Variants in KLRG1 observed in about 807,000 individuals in gnomAD.
KLRG1 encodes the protein killer cell lectin like receptor G1.
In KLRG1, 16 loss-of-function variants were observed where a neutral mutation model predicts 21.8. That is an observed-to-expected ratio of 0.73 (90% CI 0.50 to 1.11). KLRG1 has a LOEUF of 1.11. KLRG1 is among the 50% of genes most tolerant of loss of function. The pLI, the probability that KLRG1 is intolerant of heterozygous loss-of-function variation, is 0.00. For synonymous variants in KLRG1, 69 were observed against 75.9 expected (o/e 0.91, Z 0.47); for missense variants, 173 against 218.3 (o/e 0.79, Z 1.31).
At chr12:9,160,354 C>T in the KLRG1 span, 8 of 1,614,096 alleles carry the variant, frequency 5.0e-6, no homozygotes, top group African/African-American at 2.7e-5. Context: ...TGATCTCCTG[C>T]GTCAGCTGCT....
the KLRG1 span, among the ~76,000 whole-genome samples, chr12:9,132,024 G>C: frequency 1.3e-5 from 2 of 152,086 alleles, no homozygotes; most frequent in East Asian, 3.9e-4. Flanking sequence ...TTCTTAAAAA[G>C]AAGAGTTGTA....
the KLRG1 span, chr12:9,089,397 C>T: frequency 1.5e-5 from 10 of 652,624 alleles, no homozygotes; most frequent in East Asian, 8.3e-5. Context: ...AAGCAATATA[C>T]GTAGGAGGTA....
intron 1 of KLRG1, among the ~76,000 whole-genome samples, chr12:8,971,466 CTCTT>C (rs991597354): frequency 6.6e-6 from 1 of 151,724 alleles, no homozygotes; most frequent in African/African-American, 2.4e-5. Context: ...TGTGTTTTTT[CTCTT>C]TGTTATTTTA....
the KLRG1 span, among the ~76,000 whole-genome samples, chr12:9,199,169 G>A: frequency 6.6e-6 from 1 of 152,150 alleles, no homozygotes; most frequent in Non-Finnish European, 1.5e-5. Flanking sequence ...CATCACTGCC[G>A]ATTCTGAGTC....
chr12:9,103,739 G>C, the KLRG1 span, among the ~76,000 whole-genome samples: 2 of 152,140 alleles, frequency 1.3e-5, no homozygotes, highest in African/African-American at 2.4e-5. Context: ...CATGTGACAG[G>C]ATTTTCTTCC....
the KLRG1 span, among the ~76,000 whole-genome samples, chr12:9,136,093 A>G: frequency 1.3e-5 from 2 of 152,218 alleles, no homozygotes; most frequent in African/African-American, 4.8e-5. Context: ...AGCAAACATG[A>G]CCTGGGAAAA....
chr12:9,115,091 T>C, the KLRG1 span: 3 of 144,946 alleles, frequency 2.1e-5, no homozygotes, highest in Non-Finnish European at 3.0e-5. Context: ...AGTAAATAAA[T>C]GGCAGGTAAA....
the KLRG1 span, among the ~76,000 whole-genome samples, chr12:9,121,855 A>C: frequency 6.6e-6 from 1 of 152,204 alleles, no homozygotes; most frequent in Non-Finnish European, 1.5e-5. This position sits in a 1 kb window ranked among gnomAD's most constrained non-coding sequence, Gnocchi z 4.4. Flanking sequence ...TATCTCATCA[A>C]CTTTCTAAAA....
chr12:8,970,993 T>A (rs937437962), intron 1 of KLRG1: 2 of 152,208 alleles, frequency 1.3e-5, no homozygotes, highest in African/African-American at 4.8e-5. Context: ...TTTATATTTT[T>A]ATAGATATTT....
chr12:9,208,290 G>A, the KLRG1 span: 2 of 1,613,754 alleles, frequency 1.2e-6, no homozygotes, highest in East Asian at 2.2e-5. Context: ...CTGGCAGAAA[G>A]CAGGATAAGA....
the KLRG1 span, among the ~76,000 whole-genome samples, chr12:9,017,521 T>C: frequency 1.3e-5 from 2 of 152,184 alleles, no homozygotes. Flanking sequence ...AACCATGTGA[T>C]TATTTCAATT....
the KLRG1 span, chr12:9,202,764 A>G: frequency 1.1e-5 from 15 of 1,372,116 alleles, no homozygotes; most frequent in Middle Eastern, 2.4e-4. Context: ...GCTATTTCCT[A>G]TCTCTCCTTC....
the KLRG1 span, chr12:9,076,642 T>C: frequency 7.8e-6 from 7 of 897,186 alleles, no homozygotes; most frequent in South Asian, 8.7e-5. Flanking sequence ...ATATATGATA[T>C]ATAGAAAAGA....
the KLRG1 span, chr12:9,197,159 G>T: frequency 7.1e-7 from 1 of 1,417,958 alleles, no homozygotes; most frequent in Non-Finnish European, 9.9e-7. Context: ...ATTGAGAATG[G>T]CTGTTTGCAT....
chr12:9,075,580 T>C, the KLRG1 span, among the ~76,000 whole-genome samples: 1 of 145,116 alleles, frequency 6.9e-6, no homozygotes, highest in Non-Finnish European at 1.5e-5. Flanking sequence ...AACATAGTGT[T>C]GAACTTAGAA....
chr12:9,099,985 G>A, the KLRG1 span, among the ~76,000 whole-genome samples: 477 of 152,334 alleles, frequency 3.1e-3, 5 homozygotes, highest in African/African-American at 0.011. Flanking sequence ...TTTAGAGGTT[G>A]CATTAAGTTT....
the KLRG1 span, among the ~76,000 whole-genome samples, chr12:9,186,643 C>T: frequency 2.6e-5 from 4 of 151,946 alleles, no homozygotes; most frequent in East Asian, 5.8e-4. Flanking sequence ...AAATGTGGCA[C>T]ATATACACCA....
chr12:9,197,079 A>C, the KLRG1 span: 7 of 1,613,712 alleles, frequency 4.3e-6, no homozygotes, highest in Non-Finnish European at 5.9e-6. Context: ...TTTTCTACAC[A>C]GGCTCACAGT....
chr12:9,089,989 T>G, the KLRG1 span: 1 of 1,606,092 alleles, frequency 6.2e-7, no homozygotes, highest in East Asian at 2.2e-5. Context: ...CTTGAGACTC[T>G]AGTGCCTCTG....
Sources: gnomAD v4.1 joint callset for allele counts (sites outside exome capture counted in the v4.1 genomes callset) on GRCh38, gnomAD v4.1.1 for gene constraint, Gnocchi (gnomAD v3.1) non-coding constraint, MANE v1.5 for transcripts, NCBI Gene and HGNC (gene_info 2026-07-23, HGNC 2026-07-21) for gene names.